Variants in AGTRAP observed in about 807,000 individuals in gnomAD.
AGTRAP encodes the protein angiotensin II receptor associated protein.
In AGTRAP, 7 loss-of-function variants were observed where a neutral mutation model predicts 15.2. The observed-to-expected ratio is 0.46, with a 90% CI of 0.26 to 0.87. The LOEUF (loss-of-function observed/expected upper bound fraction) is 0.87. AGTRAP is among the 40% of genes least tolerant of loss of function. The probability of loss-of-function intolerance (pLI) is 0.15; values close to 1 mark genes in which losing one functional copy is unlikely to be tolerated. For missense variants in AGTRAP, 187 were observed against 213.4 expected, an observed-to-expected ratio of 0.88 and a Z score of 0.77; for synonymous variants, 74 against 89.6, an observed-to-expected ratio of 0.83 and a Z score of 0.98.
rs556819859 is a variant in AGTRAP, at chr1:11,750,025, C to T, written c.365-52C>T. 31 of 1,466,034 alleles carry T rather than the reference C, an allele frequency of 2.1e-5. No individual in the cohort carries two copies. The Admixed American group carries it at 3.6e-4, about 17-fold the overall frequency. The allele number at this position is 1,466,034 out of a possible 1,614,324, so 90.8% of individuals were successfully genotyped here. ...TCTTGGGTTGGACTCAGCTGAACATCCCGAGTTCTCACCCTTCATTTTTCT... is the reference window on the plus strand; with the variant it reads ...TCTTGGGTTGGACTCAGCTGAACATTCCGAGTTCTCACCCTTCATTTTTCT... On this transcript the variant is annotated intron_variant, in intron 4 of 4. Coordinates refer to ENST00000314340, the MANE Select transcript of AGTRAP (RefSeq NM_020350.5).
chr1:11,744,701 C>G lies in AGTRAP; in HGVS notation c.28-1102C>G. The G allele has an allele frequency of 5.2e-6, 3 of 578,024 alleles. No individual in the cohort carries two copies. In the South Asian group the frequency reaches 6.4e-5, roughly 12 times the overall value. The allele number at this position is 578,024 out of a possible 1,614,324, so 35.8% of individuals were successfully genotyped here. On this transcript the variant is annotated intron_variant, in intron 1 of 4. Coordinates refer to ENST00000314340, the MANE Select transcript of AGTRAP (RefSeq NM_020350.5). ...CCAATCCAGACCCCAAGAGAGGGTT[C>G]TTGGATCTCGCACAAGGAAGAATTC...
chr1:11,750,068 G>A lies in AGTRAP; in HGVS notation c.365-9G>A. Reference sequence around the variant, plus strand: ...ATTTTTCTTTCCCACCATGTCCCCTGTCACCTAGGTTTCCTTGGGTCTTCT... The same window carrying A: ...ATTTTTCTTTCCCACCATGTCCCCTATCACCTAGGTTTCCTTGGGTCTTCT... On this transcript the variant is annotated splice_polypyrimidine_tract_variant and intron_variant, in intron 4 of 4. Coordinates refer to ENST00000314340, the MANE Select transcript of AGTRAP (RefSeq NM_020350.5). 6.2e-7 allele frequency: 1 copy of A among 1,609,684 alleles called. No homozygotes were observed. Among genetic ancestry groups the A allele is most frequent in the Non-Finnish European group, 8.5e-7 (1 of 1,176,360 alleles).
intron 1 of AGTRAP, among the ~76,000 whole-genome samples, chr1:11,743,613 C>G (rs2100770114): frequency 6.8e-6 from 1 of 146,078 alleles, no homozygotes; most frequent in East Asian, 2.1e-4. Flanking sequence ...GTTGTCCAGG[C>G]TGGAGTACAA....
intron 1 of AGTRAP, among the ~76,000 whole-genome samples, chr1:11,739,638 C>A (rs1464693221): frequency 6.6e-6 from 1 of 152,128 alleles, no homozygotes; most frequent in African/African-American, 2.4e-5. Context: ...ATGAATTGGG[C>A]CAATTTACTT....
chr1:11,747,258 G>A (rs753104248), intron 2 of AGTRAP, among the ~76,000 whole-genome samples, 182 bp from the exon 3 acceptor site: 9 of 152,174 alleles, frequency 5.9e-5, no homozygotes, highest in Non-Finnish European at 1.0e-4. Flanking sequence ...TGGATCTACA[G>A]GGACACAGCC....
Position 11,743,885 on chromosome 1 carries a change from T to C in AGTRAP, c.28-1918T>C, listed in dbSNP as rs143863509. Among the ~76,000 whole-genome samples the C allele has an allele frequency of 5.8e-3, 883 of 152,280 alleles. 24 individuals carry two copies. Among genetic ancestry groups the C allele is most frequent in the East Asian group, 0.048 (249 of 5,174 alleles). ...CCAGCCTCCATCTGCCCTTTTTCTA[T>C]GTGCTTTCCAGTCAGGGCCTTGTTG... On this transcript the variant is annotated intron_variant, in intron 1 of 4. Coordinates refer to ENST00000314340, the MANE Select transcript of AGTRAP (RefSeq NM_020350.5).
At chr1:11,748,757 C>CCTG in intron 4 of AGTRAP, 147 bp downstream of exon 4, 2 of 950,628 alleles carry the variant, frequency 2.1e-6, no homozygotes, top group South Asian at 1.7e-5. Context: ...CTGTACTAGG[C>CCTG]TGGACAGGTC....
At chr1:11,740,993 G>T (rs1570339394) in intron 1 of AGTRAP, among the ~76,000 whole-genome samples, 1 of 152,026 alleles carries the variant, frequency 6.6e-6, no homozygotes, top group African/African-American at 2.4e-5. Flanking sequence ...TCAGATGGAG[G>T]GGACAGTGGT....
rs1309561808 is a variant in AGTRAP at position 11,745,269 on chromosome 1, G to T, written c.28-534G>T. 6.6e-6 allele frequency among the ~76,000 whole-genome samples: 1 copy of T among 152,220 alleles called. No individual in the cohort carries two copies. The highest frequency in any genetic ancestry group is 1.9e-4 in the East Asian group (1 of 5,206). ...ACTTTCTGACGTTGCCATGGCATTT[G>T]TAAACTGTCATAGTGCTGGTGGGAG... is the stretch of plus-strand genomic sequence containing the variant. On this transcript the variant is annotated intron_variant, in intron 1 of 4. Transcript: ENST00000314340. The surrounding 1 kb of genome is among the most constrained non-coding windows in gnomAD (Gnocchi z 4.2).
At chr1:11,749,082 T>C (rs374760972) in intron 4 of AGTRAP, among the ~76,000 whole-genome samples, 1 of 151,796 alleles carries the variant, frequency 6.6e-6, no homozygotes, top group Non-Finnish European at 1.5e-5. Context: ...GTGTAGGCTG[T>C]GGGAGCCTCA....
rs543179732 is a variant in AGTRAP, at chr1:11,750,139, G to A, written c.427G>A (p.Ala143Thr). The change falls in exon 5 of 5, where the codon GCA becomes ACA. Residue 143 changes from alanine to threonine, a missense_variant. Coordinates refer to ENST00000314340, the MANE Select transcript of AGTRAP (RefSeq NM_020350.5). ...GACGATTGACTCAGCAGAGGCGCCCGCAGATCCCTTTGCAGTCCCAGAGGG... is the reference window on the plus strand; with the variant it reads ...GACGATTGACTCAGCAGAGGCGCCCACAGATCCCTTTGCAGTCCCAGAGGG... ...YQTIDSAEAPADPFAVPEGRS... is the reference protein window; with the variant it reads ...YQTIDSAEAPTDPFAVPEGRS... The A allele has an allele frequency of 2.1e-5, 34 of 1,614,012 alleles. No individual in the cohort carries two copies. The highest frequency in any genetic ancestry group is 8.0e-5 in the African/African-American group (6 of 75,024).
intron 2 of AGTRAP, 186 bp downstream of exon 2, chr1:11,746,023 G>A (rs1261111926): frequency 1.5e-6 from 2 of 1,338,364 alleles, no homozygotes; most frequent in South Asian, 1.2e-5. Context: ...AGCTGGGAGG[G>A]AGACGTGGAA....
chr1:11,736,138 G>A lies in AGTRAP; in HGVS notation c.-71G>A, dbSNP rs545214567. Reference sequence around the variant, plus strand: ...GGCGGGGCGGGGCGGGGCCGGGCAAGTTTGTTCCCCGAGTTCGGAGCCTAG... The same window carrying A: ...GGCGGGGCGGGGCGGGGCCGGGCAAATTTGTTCCCCGAGTTCGGAGCCTAG... On this transcript the variant is annotated 5_prime_UTR_variant, in exon 1 of 5. Coordinates refer to ENST00000314340, the MANE Select transcript of AGTRAP (RefSeq NM_020350.5). The A allele has an allele frequency of 2.8e-4, 437 of 1,557,824 alleles. 1 individual carries two copies. In the African/African-American group the frequency reaches 5.1e-3, roughly 18 times the overall value.
chr1:11,747,216 C>T (rs546749836), intron 2 of AGTRAP, among the ~76,000 whole-genome samples: 5 of 152,248 alleles, frequency 3.3e-5, no homozygotes, highest in South Asian at 2.1e-4. Context: ...AGGGTGGCTG[C>T]GGCTGTCATC....
intron 1 of AGTRAP, among the ~76,000 whole-genome samples, chr1:11,737,479 T>G (rs148250183): frequency 1.5e-3 from 225 of 152,324 alleles, no homozygotes; most frequent in African/African-American, 5.2e-3. Context: ...AGCTCTAATT[T>G]ATGGGCTTCT....
At chr1:11,743,449 T>C (rs1459955552) in intron 1 of AGTRAP, among the ~76,000 whole-genome samples, 1 of 152,038 alleles carries the variant, frequency 6.6e-6, no homozygotes, top group African/African-American at 2.4e-5. Flanking sequence ...TTTCGCCATG[T>C]TAGCCAGGCT....
At chr1:11,743,356 G>A (rs946408847) in intron 1 of AGTRAP, among the ~76,000 whole-genome samples, 9 of 149,574 alleles carry the variant, frequency 6.0e-5, no homozygotes, top group Non-Finnish European at 8.9e-5. Flanking sequence ...AGTAATTTTC[G>A]TGCCTCAACT....
rs986320835 is a variant in AGTRAP at position 11,742,111 on chromosome 1, A to G, written c.28-3692A>G. On this transcript the variant is annotated intron_variant, in intron 1 of 4. Coordinates refer to ENST00000314340, the MANE Select transcript of AGTRAP (RefSeq NM_020350.5). ...ACAAGCCCAAACAGTTCCCAGCTGA[A>G]GGCCTGCGCCCCCAGCGGGGAGGTT... Among the ~76,000 whole-genome samples, 107 of 152,234 alleles carry G rather than the reference A, an allele frequency of 7.0e-4. 4 individuals are homozygous for G. Among genetic ancestry groups the G allele is most frequent in the Non-Finnish European group, 8.8e-5 (6 of 68,046 alleles).
Position 11,750,517 on chromosome 1 carries a change from T to C in AGTRAP, c.*325T>C, listed in dbSNP as rs1642294017. ...GCCTGAGTGTTGCAAGCTCAGGCCT[T>C]TAAGGACTGCTGATGCCCCCTCAGG... On this transcript the variant is annotated 3_prime_UTR_variant, in exon 5 of 5. Transcript: ENST00000314340. The C allele has an allele frequency of 5.2e-6, 3 of 573,304 alleles. No homozygotes were observed. The highest frequency in any genetic ancestry group is 9.3e-6 in the Non-Finnish European group (3 of 321,870). The allele number at this position is 573,304 out of a possible 1,614,324, so 35.5% of individuals were successfully genotyped here.
Sources: gnomAD v4.1 joint callset for allele counts (sites outside exome capture counted in the v4.1 genomes callset) on GRCh38, gnomAD v4.1.1 for gene constraint, Gnocchi (gnomAD v3.1) non-coding constraint, MANE v1.5 for transcripts, NCBI Gene and HGNC (gene_info 2026-07-23, HGNC 2026-07-21) for gene names.